The following CADM2 variants were observed in gnomAD, a reference collection of about 807,000 sequenced individuals.
CADM2 encodes cell adhesion molecule 2, also known as immunoglobulin superfamily member 4D.
Under a neutral mutation model 49.8 loss-of-function variants are expected in CADM2, and 12 were observed. The ratio of observed to expected loss-of-function variants is 0.24; its 90% confidence interval spans 0.15 to 0.39. The LOEUF is 0.39. Among genes scored for constraint, CADM2 ranks in the 10% least tolerant of loss-of-function variants. The pLI is 1.00. For missense variants in CADM2, 378 were observed against 492.3 expected (o/e 0.77, Z 2.20); for synonymous variants, 214 against 175.4 (o/e 1.22, Z -1.74).
chr3:85,779,957 C>T (rs901945295), intron 2 of CADM2, among the ~76,000 whole-genome samples: 4 of 151,660 alleles, frequency 2.6e-5, no homozygotes, highest in African/African-American at 7.3e-5. Context: ...GATATAGATA[C>T]GAAGGACTAA....
chr3:86,062,453 C>T (rs949476436), intron 8 of CADM2, among the ~76,000 whole-genome samples: 5 of 152,018 alleles, frequency 3.3e-5, no homozygotes, highest in Admixed American at 1.3e-4. Flanking sequence ...TCCCCCACCC[C>T]CTCACCCCGA....
chr3:85,530,487 C>T (rs1259195179), intron 1 of CADM2, among the ~76,000 whole-genome samples: 11 of 152,012 alleles, frequency 7.2e-5, no homozygotes, highest in Admixed American at 3.9e-4. Context: ...CCCGCCACCA[C>T]ACCCTGCTAA....
intron 8 of CADM2, among the ~76,000 whole-genome samples, chr3:86,059,066 C>T (rs1738321234): frequency 6.7e-6 from 1 of 149,024 alleles, no homozygotes; most frequent in South Asian, 2.1e-4. Context: ...TGCACTTCAG[C>T]CTGGGTGACA....
intron 1 of CADM2, among the ~76,000 whole-genome samples, chr3:85,391,949 A>G (rs2034540128): frequency 6.6e-6 from 1 of 152,146 alleles, no homozygotes; most frequent in Non-Finnish European, 1.5e-5. Flanking sequence ...AAGACAAAAC[A>G]GTCTCTGTTT....
At chr3:85,532,973 A>G (rs1229860300) in intron 1 of CADM2, among the ~76,000 whole-genome samples, 1 of 152,202 alleles carries the variant, frequency 6.6e-6, no homozygotes, top group African/African-American at 2.4e-5. Flanking sequence ...ATGGACACAT[A>G]GATGGGAACA....
intron 1 of CADM2, among the ~76,000 whole-genome samples, chr3:85,184,359 T>C (rs569167726): frequency 6.6e-6 from 1 of 152,270 alleles, no homozygotes; most frequent in East Asian, 1.9e-4. Flanking sequence ...AACACCAGCA[T>C]TTCTGTAACT....
intron 1 of CADM2, among the ~76,000 whole-genome samples, 191 bp downstream of exon 1, chr3:84,959,859 C>T (rs1445029606): frequency 6.6e-6 from 1 of 152,100 alleles, no homozygotes; most frequent in African/African-American, 2.4e-5. Flanking sequence ...AACACTGGCT[C>T]AGCCCTGCCT....
chr3:84,979,896 G>A (rs534611700), intron 1 of CADM2, among the ~76,000 whole-genome samples: 1 of 152,124 alleles, frequency 6.6e-6, no homozygotes, highest in East Asian at 1.9e-4. Flanking sequence ...AGAACTGAAG[G>A]ACTTCAAATC....
chr3:85,637,209 A>G (rs1017503340), intron 1 of CADM2, among the ~76,000 whole-genome samples: 1 of 152,192 alleles, frequency 6.6e-6, no homozygotes, highest in Non-Finnish European at 1.5e-5. Context: ...TGTTGATACT[A>G]TATCACATTG....
chr3:85,116,005 A>T (rs1015272288), intron 1 of CADM2, among the ~76,000 whole-genome samples: 1 of 152,336 alleles, frequency 6.6e-6, no homozygotes. Context: ...GGACTCAAGC[A>T]ATTGAAAAAC....
At chr3:85,029,236 G>A (rs983498534) in intron 1 of CADM2, among the ~76,000 whole-genome samples, 3 of 151,846 alleles carry the variant, frequency 2.0e-5, no homozygotes, top group African/African-American at 7.3e-5. Flanking sequence ...CATTTTACTG[G>A]TTCTATACAT....
intron 1 of CADM2, among the ~76,000 whole-genome samples, chr3:85,283,411 T>A (rs924235210): frequency 5.9e-5 from 9 of 151,824 alleles, no homozygotes; most frequent in Admixed American, 6.6e-5. Context: ...GCTGTCATCA[T>A]TTAATTCTGT....
intron 1 of CADM2, among the ~76,000 whole-genome samples, chr3:85,301,603 G>T (rs1034410456): frequency 1.1e-4 from 16 of 151,954 alleles, no homozygotes; most frequent in African/African-American, 3.4e-4. Flanking sequence ...TGGGTGGGGG[G>T]CTGACTTCAC....
At chr3:85,062,152 A>C (rs778139854) in intron 1 of CADM2, among the ~76,000 whole-genome samples, 37 of 151,596 alleles carry the variant, frequency 2.4e-4, no homozygotes, top group Non-Finnish European at 3.8e-4. Flanking sequence ...TCCGGTACAC[A>C]ACTTGTTTCC....
chr3:85,275,727 G>T (rs1482178288), intron 1 of CADM2, among the ~76,000 whole-genome samples: 2 of 150,830 alleles, frequency 1.3e-5, no homozygotes, highest in African/African-American at 4.9e-5. Flanking sequence ...ATGAGGTAAT[G>T]ATTATAATAC....
At chr3:85,619,529 T>A (rs1218872496) in intron 1 of CADM2, among the ~76,000 whole-genome samples, 1 of 152,126 alleles carries the variant, frequency 6.6e-6, no homozygotes, top group Non-Finnish European at 1.5e-5. Flanking sequence ...ACCTTCCACT[T>A]GCTACCATAT....
At chr3:85,212,812 C>CTTTCTTTCTT (rs1275410284) in intron 1 of CADM2, among the ~76,000 whole-genome samples, 11 of 102,540 alleles carry the variant, frequency 1.1e-4, no homozygotes, top group African/African-American at 3.3e-4. Flanking sequence ...TCTTTTTCTT[C>CTTTCTTTCTT]TCTTTCTTTC....
At chr3:85,641,386 G>A (rs1576997954) in intron 1 of CADM2, among the ~76,000 whole-genome samples, 1 of 152,172 alleles carries the variant, frequency 6.6e-6, no homozygotes, top group East Asian at 1.9e-4. Context: ...CTCACATGTT[G>A]GCTTCCAGTT....
At position 85,893,845 on chromosome 3, in the gene CADM2, C is replaced by A. The variant is rs560824871; in HGVS notation, c.529+7518C>A. ...TGGCGATCATTAAAAAGTCAGGAAA[C>A]AACAGGTGCTAGAGAGGATGTGGAG... On this transcript the variant is annotated intron_variant, in intron 5 of 9. Transcript: ENST00000383699. 7.9e-5 allele frequency among the ~76,000 whole-genome samples: 12 copies of A among 152,246 alleles called. No homozygotes were observed. In the South Asian group the frequency reaches 2.3e-3, roughly 29 times the overall value.
Sources: gnomAD v4.1 joint callset for allele counts (sites outside exome capture counted in the v4.1 genomes callset) on GRCh38, gnomAD v4.1.1 for gene constraint, MANE v1.5 for transcripts, NCBI Gene and HGNC (gene_info 2026-07-23, HGNC 2026-07-21) for gene names.